ZNF638: variants seen among roughly 807,000 people sequenced by gnomAD.
ZNF638 encodes the protein CTCL tumor antigen se33-1.
A neutral mutation model predicts 195.6 loss-of-function variants in ZNF638; 46 were observed. That is an observed-to-expected ratio of 0.24 (90% confidence interval 0.19 to 0.30). The LOEUF is 0.30. Ranked by LOEUF, ZNF638 falls within the 10% of genes least tolerant of loss-of-function variation. The pLI, the probability that ZNF638 is intolerant of heterozygous loss-of-function variation, is 1.00. For synonymous variants in ZNF638, 845 were observed against 772.0 expected, an observed-to-expected ratio of 1.09 and a Z score of -1.57; for missense variants, 2,440 against 2,325.3, an observed-to-expected ratio of 1.05 and a Z score of -1.01.
intron 3 of ZNF638, among the ~76,000 whole-genome samples, chr2:71,360,514 T>C (rs1392824532): frequency 6.6e-6 from 1 of 152,212 alleles, no homozygotes; most frequent in Non-Finnish European, 1.5e-5. Context: ...AGTTAAGATT[T>C]ATGCATTACA....
At chr2:71,390,563 C>T (rs751091490) in intron 10 of ZNF638, among the ~76,000 whole-genome samples, 4 of 152,140 alleles carry the variant, frequency 2.6e-5, no homozygotes, top group Admixed American at 1.3e-4. Flanking sequence ...AGCTCAGTTA[C>T]TATTCTTACC....
chr2:71,402,660 A>G (rs1267211621), intron 16 of ZNF638, among the ~76,000 whole-genome samples: 1 of 152,188 alleles, frequency 6.6e-6, no homozygotes, highest in African/African-American at 2.4e-5. Flanking sequence ...TTTATGTTCT[A>G]AATTTTCTAT....
intron 21 of ZNF638, among the ~76,000 whole-genome samples, chr2:71,422,349 A>C (rs969540153): frequency 1.3e-5 from 2 of 151,990 alleles, no homozygotes. Context: ...TTTTCCCCCC[A>C]CCAGTTTCTG....
In ZNF638 at chr2:71,349,263, G is replaced by C. The variant is rs1245667209; in HGVS notation, c.309G>C (p.Arg103=). The C allele has an allele frequency of 1.2e-6, 2 of 1,614,036 alleles. No individual in the cohort carries two copies. The highest frequency in any genetic ancestry group is 2.7e-5 in the African/African-American group (2 of 74,910). Residue 103 remains arginine, a synonymous_variant, in exon 2 of 28, where the codon CGG becomes CGC. Transcript: ENST00000264447. ...AGAAGGGGAAGCCTCATGGTAGCCG[G>C]TGGGATGATGAGCCTCATATATCTG... ...QQKKGKPHGS[R]WDDEPHISAS...
At chr2:71,425,054 C>T (rs1389038251) in intron 23 of ZNF638, among the ~76,000 whole-genome samples, 1 of 152,148 alleles carries the variant, frequency 6.6e-6, no homozygotes, top group Non-Finnish European at 1.5e-5. Flanking sequence ...GTGAAAGAGA[C>T]TGACATTTGA....
At chr2:71,355,098 C>T (rs543510467) in intron 2 of ZNF638, among the ~76,000 whole-genome samples, 114 of 152,144 alleles carry the variant, frequency 7.5e-4, no homozygotes, top group Non-Finnish European at 1.2e-3. Context: ...CCTCCTGAGT[C>T]GCTGGGGCTA....
Position 71,349,406 on chromosome 2 carries a change from A to G in ZNF638, c.452A>G (p.Asn151Ser), listed in dbSNP as rs764567426. 1 of 1,614,178 alleles carries G rather than the reference A, an allele frequency of 6.2e-7. No individual in the cohort carries two copies. The highest frequency in any genetic ancestry group is 8.5e-7 in the Non-Finnish European group (1 of 1,180,032). The change falls in exon 2 of 28, where the codon AAT becomes AGT. Residue 151 changes from asparagine (N) to serine (S), a missense_variant. Around this residue, in one of 5 missense-constraint regions of ZNF638, gnomAD observed 24 missense variants for 53.1 expected, o/e 0.45. Transcript: ENST00000264447. ...ATCTTAGCAAGTTTTGGATTATCTAATGAAGACCTAGAAGAACTTAGTCGC... is the reference window on the plus strand; with the variant it reads ...ATCTTAGCAAGTTTTGGATTATCTAGTGAAGACCTAGAAGAACTTAGTCGC... The part of the protein sequence containing the change: ...SSILASFGLS[N>S]EDLEELSRYP...
intron 3 of ZNF638, among the ~76,000 whole-genome samples, chr2:71,361,011 A>G (rs1286448653): frequency 6.6e-6 from 1 of 152,138 alleles, no homozygotes; most frequent in Non-Finnish European, 1.5e-5. Flanking sequence ...AAGATCAACA[A>G]TATTATTTAT....
At chr2:71,398,797 T>C (rs2079946246) in intron 12 of ZNF638, 25 bp downstream of exon 12, 1 of 1,548,140 alleles carries the variant, frequency 6.5e-7, no homozygotes, top group Non-Finnish European at 8.9e-7. Flanking sequence ...GAGGAGAGAT[T>C]TTATTGTTTA....
intron 1 of ZNF638, among the ~76,000 whole-genome samples, chr2:71,344,605 C>T (rs773015440): frequency 1.3e-5 from 2 of 152,172 alleles, no homozygotes; most frequent in Admixed American, 6.5e-5. Flanking sequence ...AGAAAACTTT[C>T]TCAAAATTTC....
chr2:71,418,336 T>C (rs754068378), intron 20 of ZNF638: 11 of 273,390 alleles, frequency 4.0e-5, no homozygotes, highest in Non-Finnish European at 6.1e-5. Context: ...GCTTCTAAAG[T>C]TAATAAAGTT....
chr2:71,367,993 G>A (rs1395014159), intron 6 of ZNF638, among the ~76,000 whole-genome samples: 2 of 152,082 alleles, frequency 1.3e-5, no homozygotes. Flanking sequence ...AACAGAGGGG[G>A]TAAGCAAAGC....
At chr2:71,408,098 A>G in intron 19 of ZNF638, 24 bp from the exon 20 acceptor site, 4 of 1,597,536 alleles carry the variant, frequency 2.5e-6, no homozygotes, top group Non-Finnish European at 3.4e-6. Context: ...AGAACTATTC[A>G]TAACTTTTTA....
chr2:71,395,298 C>T (rs1338836532), intron 10 of ZNF638: 2 of 717,222 alleles, frequency 2.8e-6, no homozygotes, highest in Middle Eastern at 2.3e-4. Context: ...AAACCTGCTG[C>T]TGTGCACATC....
At chr2:71,406,037 G>A (rs962934893) in intron 18 of ZNF638, 91 bp from the exon 19 acceptor site, 1 of 1,452,228 alleles carries the variant, frequency 6.9e-7, no homozygotes, top group African/African-American at 1.4e-5. Context: ...AACATCATCT[G>A]ACCTCTGTAA....
At chr2:71,380,426 G>C (rs1377098523) in intron 9 of ZNF638, 87 bp from the exon 10 acceptor site, 2 of 1,253,738 alleles carry the variant, frequency 1.6e-6, no homozygotes, top group Non-Finnish European at 2.2e-6. Context: ...TATTTTAAAC[G>C]TTTTTAGGTT....
At chr2:71,367,431 A>AT (rs3077439) in intron 6 of ZNF638, among the ~76,000 whole-genome samples, 75,347 of 112,622 alleles carry the variant, frequency 0.67, 26,396 homozygotes, top group East Asian at 0.85. Flanking sequence ...GGGTGTTTTA[A>AT]TTTTTTTTTT....
intron 10 of ZNF638, among the ~76,000 whole-genome samples, chr2:71,382,053 A>T (rs989011331): frequency 3.3e-5 from 5 of 152,142 alleles, no homozygotes; most frequent in Non-Finnish European, 5.9e-5. Context: ...ATTTTATTAT[A>T]TGGAATTTTT....
chr2:71,338,266 A>G (rs1036702067), intron 1 of ZNF638, among the ~76,000 whole-genome samples: 2 of 152,202 alleles, frequency 1.3e-5, no homozygotes, highest in East Asian at 3.8e-4. Context: ...TGGTTGCAAA[A>G]TGATTTTCTA....
Sources: gnomAD v4.1 joint callset for allele counts (sites outside exome capture counted in the v4.1 genomes callset) on GRCh38, gnomAD v4.1.1 for gene constraint, gnomAD v4.1.1 regional missense constraint, MANE v1.5 for transcripts, NCBI Gene and HGNC (gene_info 2026-07-23, HGNC 2026-07-21) for gene names.